Variants in AIG1 observed in about 807,000 individuals in gnomAD.
AIG1 encodes androgen induced 1, also known as androgen-induced gene 1 protein.
A neutral mutation model predicts 31.4 loss-of-function variants in AIG1; 23 were observed. The ratio of observed to expected loss-of-function variants is 0.73; its 90% CI spans 0.53 to 1.04. The LOEUF (loss-of-function observed/expected upper bound fraction) is 1.04, where lower values mean the gene tolerates loss of function less well. Among genes scored for constraint, AIG1 ranks in the 50% least tolerant of loss-of-function variants. The pLI is 0.00. For missense variants in AIG1, 274 were observed against 295.0 expected, an observed-to-expected ratio of 0.93 and a Z score of 0.52; for synonymous variants, 100 against 110.5, an observed-to-expected ratio of 0.90 and a Z score of 0.60.
chr6:143,078,810 G>A (rs58189371), intron 1 of AIG1, among the ~76,000 whole-genome samples: 9,377 of 152,254 alleles, frequency 0.062, 683 homozygotes, highest in East Asian at 0.37. Flanking sequence ...TGGGGACACA[G>A]CCAAACCATA....
intron 3 of AIG1, among the ~76,000 whole-genome samples, chr6:143,243,365 A>C (rs1046340436): frequency 6.6e-6 from 1 of 152,246 alleles, no homozygotes; most frequent in African/African-American, 2.4e-5. Context: ...ATGCCAAATG[A>C]GATTATGAAA....
chr6:143,175,389 CA>C (rs1434483011), intron 3 of AIG1, among the ~76,000 whole-genome samples: 1 of 152,222 alleles, frequency 6.6e-6, no homozygotes, highest in East Asian at 1.9e-4. Flanking sequence ...ATTATTTCCT[CA>C]AACATGTTTT....
At chr6:143,300,080 G>A (rs1798721575) in intron 4 of AIG1, among the ~76,000 whole-genome samples, 1 of 152,122 alleles carries the variant, frequency 6.6e-6, no homozygotes, top group South Asian at 2.1e-4. Context: ...TGCCTAAGAG[G>A]GGCTCAATAA....
chr6:143,161,528 A>ATT (rs1413424983), intron 2 of AIG1, among the ~76,000 whole-genome samples: 1 of 79,000 alleles, frequency 1.3e-5, no homozygotes. Flanking sequence ...AAAAACATAT[A>ATT]TTATATATAT....
chr6:143,250,813 A>G (rs1258854834), intron 3 of AIG1, among the ~76,000 whole-genome samples: 2 of 152,074 alleles, frequency 1.3e-5, no homozygotes, highest in Non-Finnish European at 2.9e-5. Flanking sequence ...AAATATTATG[A>G]CGGGTTGTTT....
chr6:143,066,598 A>G (rs1274836562), intron 1 of AIG1, among the ~76,000 whole-genome samples: 1 of 152,170 alleles, frequency 6.6e-6, no homozygotes, highest in Non-Finnish European at 1.5e-5. Flanking sequence ...TTCAAAACAT[A>G]TTACAGATTG....
Position 143,291,289 on chromosome 6 carries a change from C to A in AIG1, c.515+7064C>A, listed in dbSNP as rs1196576185. 1.3e-5 allele frequency among the ~76,000 whole-genome samples: 2 copies of A among 152,052 alleles called. No homozygotes were observed. The highest frequency in any genetic ancestry group is 2.9e-5 in the Non-Finnish European group (2 of 68,026). On this transcript the variant is annotated intron_variant, in intron 4 of 5. Transcript: ENST00000357847. The surrounding 1 kb of genome is among the most constrained non-coding windows in gnomAD (Gnocchi z 4.2). ...TGGAGTTGAGCTGTCTTGATGGTGG[C>A]CCACCCAAGAAAGAATGGCTCCTGG...
At chr6:143,286,026 C>T (rs1583739577) in intron 4 of AIG1, among the ~76,000 whole-genome samples, 1 of 105,796 alleles carries the variant, frequency 9.5e-6, no homozygotes, top group African/African-American at 2.7e-5. Context: ...CCCACCCCCA[C>T]CCCAAATACG....
At position 143,334,049 on chromosome 6, in the gene AIG1, G is replaced by T; in HGVS notation, c.679+604G>T. The T allele has an allele frequency of 1.3e-6, 2 of 1,549,858 alleles. No individual in the cohort carries two copies. The highest frequency in any genetic ancestry group is 1.2e-5 in the South Asian group (1 of 83,984). On this transcript the variant is annotated intron_variant, in intron 5 of 5. Coordinates refer to ENST00000357847, the MANE Select transcript of AIG1 (RefSeq NM_016108.4). The surrounding 1 kb of genome is among the most constrained non-coding windows in gnomAD (Gnocchi z 5.1). Reference sequence around the variant, plus strand: ...GAAAAACTCTTTTAACCTGTGATTTGATTTCTCTTTTGTTTCCATTTATGG... The same window carrying T: ...GAAAAACTCTTTTAACCTGTGATTTTATTTCTCTTTTGTTTCCATTTATGG...
At chr6:143,194,818 C>T (rs1790092995) in intron 3 of AIG1, among the ~76,000 whole-genome samples, 1 of 152,170 alleles carries the variant, frequency 6.6e-6, no homozygotes, top group African/African-American at 2.4e-5. Flanking sequence ...CCCCAAGGCT[C>T]TCTGGGCACA....
intron 3 of AIG1, among the ~76,000 whole-genome samples, chr6:143,218,532 A>G (rs1792210110): frequency 6.6e-6 from 1 of 152,240 alleles, no homozygotes; most frequent in Admixed American, 6.5e-5. Context: ...CCCTGAAGCA[A>G]GGGTTTGACA....
At chr6:143,304,773 A>G (rs1294025892) in intron 4 of AIG1, among the ~76,000 whole-genome samples, 4 of 151,760 alleles carry the variant, frequency 2.6e-5, no homozygotes, top group South Asian at 2.1e-4. Context: ...CTCTTTTTCT[A>G]TTGATTGGAA....
At chr6:143,310,198 C>G (rs1383405161) in intron 4 of AIG1, among the ~76,000 whole-genome samples, 2 of 151,896 alleles carry the variant, frequency 1.3e-5, no homozygotes, top group Non-Finnish European at 2.9e-5. Context: ...ACACATTCCA[C>G]TCAAGCTTAT....
intron 3 of AIG1, chr6:143,187,369 T>C: frequency 2.6e-6 from 4 of 1,525,324 alleles, no homozygotes; most frequent in Non-Finnish European, 3.5e-6. Context: ...GGTGTCTCAT[T>C]TATTTGTTTA....
intron 3 of AIG1, among the ~76,000 whole-genome samples, chr6:143,208,804 T>A (rs938984944): frequency 6.6e-6 from 1 of 152,022 alleles, no homozygotes; most frequent in African/African-American, 2.4e-5. Flanking sequence ...ATCTGGAAAA[T>A]GATCTCCTAG....
chr6:143,180,683 ATAT>A (rs769085122), intron 3 of AIG1, among the ~76,000 whole-genome samples: 15 of 152,286 alleles, frequency 9.8e-5, no homozygotes, highest in South Asian at 4.1e-4. Context: ...GAAGGTTAGG[ATAT>A]TATTATTATT....
chr6:143,188,136 A>T (rs1789440726), intron 3 of AIG1: 1 of 1,006,362 alleles, frequency 9.9e-7, no homozygotes, highest in East Asian at 9.8e-5. Context: ...GCAAATGAGG[A>T]TGAAGTTAAT....
chr6:143,307,327 GT>G (rs1298261163), intron 4 of AIG1, among the ~76,000 whole-genome samples: 2 of 152,110 alleles, frequency 1.3e-5, no homozygotes, highest in African/African-American at 2.4e-5. Context: ...CATCTTTGTG[GT>G]TTTATCTACT....
intron 1 of AIG1, among the ~76,000 whole-genome samples, chr6:143,093,237 G>T (rs528568074): frequency 6.6e-6 from 1 of 152,138 alleles, no homozygotes; most frequent in Non-Finnish European, 1.5e-5. Context: ...TGGATCTTCT[G>T]TATAACTTGC....
Sources: allele counts gnomAD v4.1 joint callset (sites outside exome capture counted in the v4.1 genomes callset), GRCh38; gene constraint gnomAD v4.1.1; non-coding constraint Gnocchi (gnomAD v3.1); transcripts MANE v1.5; gene names NCBI Gene and HGNC (gene_info 2026-07-23, HGNC 2026-07-21).